The following FCHSD2 variants were observed in gnomAD, a reference collection of about 807,000 sequenced individuals.
FCHSD2 encodes the protein F-BAR and double SH3 domains protein 2.
A neutral mutation model predicts 108.1 loss-of-function variants in FCHSD2; 38 were observed. The observed-to-expected ratio is 0.35, with a 90% CI of 0.27 to 0.46. The LOEUF is 0.46. FCHSD2 is among the 20% of genes least tolerant of loss of function. The pLI is 1.00. For synonymous variants in FCHSD2, 279 were observed against 314.7 expected (o/e 0.89, Z 1.20); for missense variants, 751 against 897.8 (o/e 0.84, Z 2.09).
intron 8 of FCHSD2, among the ~76,000 whole-genome samples, chr11:72,970,990 C>T (rs1856996728): frequency 6.6e-6 from 1 of 152,068 alleles, no homozygotes. Context: ...GATAGCAAGC[C>T]CTCAGAATTC....
intron 3 of FCHSD2, among the ~76,000 whole-genome samples, chr11:73,076,024 T>C (rs992587132): frequency 1.3e-5 from 2 of 151,744 alleles, no homozygotes; most frequent in East Asian, 1.9e-4. Context: ...GAGTCTGACA[T>C]AGGAGAATCA....
intron 3 of FCHSD2, among the ~76,000 whole-genome samples, chr11:73,017,176 G>A (rs934013529): frequency 6.6e-6 from 1 of 152,060 alleles, no homozygotes; most frequent in South Asian, 2.1e-4. Flanking sequence ...TAGACACAGT[G>A]TTTCGCCATG....
At chr11:72,959,355 G>A (rs1365556300) in intron 8 of FCHSD2, among the ~76,000 whole-genome samples, 2 of 143,266 alleles carry the variant, frequency 1.4e-5, no homozygotes, top group Non-Finnish European at 1.5e-5. Flanking sequence ...TCAGTCTCCC[G>A]AGTAGCTGGG....
At chr11:73,112,323 G>T (rs887900863) in intron 2 of FCHSD2, among the ~76,000 whole-genome samples, 1 of 152,114 alleles carries the variant, frequency 6.6e-6, no homozygotes, top group Admixed American at 6.5e-5. Context: ...ACTCTTTCCT[G>T]GTCTGTAAGG....
At chr11:72,998,477 G>C (rs1031633538) in intron 5 of FCHSD2, among the ~76,000 whole-genome samples, 1 of 152,108 alleles carries the variant, frequency 6.6e-6, no homozygotes, top group South Asian at 2.1e-4. Context: ...AAGAGGCAGA[G>C]GTTGCTGTGA....
chr11:72,937,542 A>T (rs1453524213), intron 8 of FCHSD2, among the ~76,000 whole-genome samples: 1 of 152,232 alleles, frequency 6.6e-6, no homozygotes, highest in Non-Finnish European at 1.5e-5. Flanking sequence ...ATGGAAAGGC[A>T]AGGTCTGATC....
chr11:73,114,515 C>T (rs555898022), intron 2 of FCHSD2, among the ~76,000 whole-genome samples: 2 of 152,194 alleles, frequency 1.3e-5, no homozygotes, highest in African/African-American at 4.8e-5. Context: ...CTCACTGTAG[C>T]CACCATAGCT....
chr11:73,010,116 G>A (rs754207643), intron 4 of FCHSD2, among the ~76,000 whole-genome samples: 2 of 152,138 alleles, frequency 1.3e-5, no homozygotes, highest in Non-Finnish European at 1.5e-5. Context: ...CTTTTTGACT[G>A]CTTGGGTTAT....
intron 12 of FCHSD2, among the ~76,000 whole-genome samples, chr11:72,886,657 A>G (rs964416057): frequency 1.1e-4 from 16 of 152,180 alleles, no homozygotes; most frequent in African/African-American, 3.6e-4. Flanking sequence ...GTGTGTGCAC[A>G]GGTCCTCCAT....
At chr11:73,022,719 G>C (rs1169422302) in intron 3 of FCHSD2, among the ~76,000 whole-genome samples, 3 of 151,972 alleles carry the variant, frequency 2.0e-5, no homozygotes, top group Non-Finnish European at 4.4e-5. Context: ...GAAAGATAAA[G>C]GTATTAGAAT....
intron 9 of FCHSD2, among the ~76,000 whole-genome samples, chr11:72,904,431 T>C (rs1452122588): frequency 1.3e-5 from 2 of 152,200 alleles, no homozygotes; most frequent in Non-Finnish European, 2.9e-5. Flanking sequence ...AATACATATG[T>C]AAAGACAACA....
intron 8 of FCHSD2, among the ~76,000 whole-genome samples, chr11:72,980,238 A>G (rs980158682): frequency 2.6e-4 from 39 of 152,182 alleles, no homozygotes; most frequent in Non-Finnish European, 8.8e-5. Flanking sequence ...AACTGTTAAA[A>G]ATAGTAGGAA....
chr11:72,841,479 G>A lies in FCHSD2; in HGVS notation c.2031C>T (p.Tyr677=), dbSNP rs1398304929. The A allele has an allele frequency of 6.2e-7, 1 of 1,611,062 alleles. No individual in the cohort carries two copies. Among genetic ancestry groups the A allele is most frequent in the African/African-American group, 1.3e-5 (1 of 74,906 alleles). ...YPSPDKRSSL[Y]FPRSPSANEK... is the part of the protein sequence containing the mutation. The stretch of plus-strand genomic sequence containing the variant: ...CGTTTGCTGAAGGAGACCGGGGAAA[G>A]TACAGGGAGCTCCTCTTATCTGGGC... Residue 677 remains tyrosine, a synonymous_variant, in exon 18 of 20, where the codon TAC becomes TAT. Transcript: ENST00000409418.
chr11:72,856,063 T>C (rs1163211066), intron 13 of FCHSD2, among the ~76,000 whole-genome samples: 1 of 152,236 alleles, frequency 6.6e-6, no homozygotes, highest in Non-Finnish European at 1.5e-5. Flanking sequence ...CATTTAAGGT[T>C]ACAAAGAATG....
At chr11:73,014,149 G>A (rs1431625844) in intron 4 of FCHSD2, among the ~76,000 whole-genome samples, 3 of 112,450 alleles carry the variant, frequency 2.7e-5, no homozygotes, top group African/African-American at 1.1e-4. Context: ...TTTTTTTTTG[G>A]GAGACAGAGT....
chr11:73,093,739 T>A (rs2135524987), intron 2 of FCHSD2, among the ~76,000 whole-genome samples: 1 of 152,096 alleles, frequency 6.6e-6, no homozygotes, highest in South Asian at 2.1e-4. Context: ...GTAGCTGGGA[T>A]TACAGGCATG....
chr11:73,027,786 C>T (rs566205567), intron 3 of FCHSD2, among the ~76,000 whole-genome samples: 1 of 152,344 alleles, frequency 6.6e-6, no homozygotes, highest in African/African-American at 2.4e-5. Flanking sequence ...CTCTGTGCAG[C>T]CTTGGGACAC....
At chr11:73,056,919 A>G (rs1314406269) in intron 3 of FCHSD2, among the ~76,000 whole-genome samples, 1 of 152,012 alleles carries the variant, frequency 6.6e-6, no homozygotes, top group Non-Finnish European at 1.5e-5. Flanking sequence ...CATCTCTACT[A>G]AAAATACAAA....
intron 3 of FCHSD2, among the ~76,000 whole-genome samples, chr11:73,077,404 A>C (rs996568966): frequency 6.6e-6 from 1 of 152,148 alleles, no homozygotes; most frequent in Admixed American, 6.5e-5. Context: ...TAAGAAGACT[A>C]TATCTAGTGT....
Sources: allele counts gnomAD v4.1 joint callset (sites outside exome capture counted in the v4.1 genomes callset), GRCh38; gene constraint gnomAD v4.1.1; transcripts MANE v1.5; gene names NCBI Gene and HGNC (gene_info 2026-07-23, HGNC 2026-07-21).